ZNF667: variants seen among roughly 807,000 people sequenced by gnomAD.
ZNF667 encodes the protein zinc finger protein 667.
In ZNF667, 13 loss-of-function variants were observed where a neutral mutation model predicts 31.8. The observed-to-expected ratio is 0.41, with a 90% CI of 0.27 to 0.65. ZNF667 has a LOEUF of 0.65. Among genes scored for constraint, ZNF667 ranks in the 30% least tolerant of loss-of-function variants. The pLI, the probability that ZNF667 is intolerant of heterozygous loss-of-function variation, is 0.32. For synonymous variants in ZNF667, 228 were observed against 247.1 expected (o/e 0.92, Z 0.73); for missense variants, 642 against 725.6 (o/e 0.88, Z 1.32).
Position 56,441,953 on chromosome 19 carries a change from G to A in ZNF667, c.1042C>T (p.His348Tyr). The change falls in exon 7 of 7, where the codon CAC (histidine) becomes TAC (tyrosine). Residue 348 changes from histidine to tyrosine, a missense_variant. Coordinates refer to ENST00000504904, the MANE Select transcript of ZNF667 (RefSeq NM_001321356.2). The surrounding 1 kb of genome is among the most constrained non-coding windows in gnomAD (Gnocchi z 4.2). Reference protein sequence around the residue: ...LFNRISPLMLHQRIHTSEKPY... With the variant: ...LFNRISPLMLYQRIHTSEKPY... The stretch of plus-strand genomic sequence containing the variant: ...TTCTCTGAAGTGTGAATTCTCTGGT[G>A]AAGCATCAGGGGTGAAATCCTATTA... 1 of 1,614,088 alleles carries A rather than the reference G, an allele frequency of 6.2e-7. No individual in the cohort carries two copies.
chr19:56,458,327 A>G, intron 5 of ZNF667, 80 bp from the exon 6 acceptor site: 2 of 1,241,788 alleles, frequency 1.6e-6, no homozygotes, highest in Non-Finnish European at 2.4e-6. Flanking sequence ...ATCAACAGGA[A>G]TGCAGGTTTA....
intron 3 of ZNF667, among the ~76,000 whole-genome samples, chr19:56,470,761 A>G (rs1483748006): frequency 6.6e-6 from 1 of 152,206 alleles, no homozygotes; most frequent in African/African-American, 2.4e-5. Flanking sequence ...CGAACTGAGC[A>G]GACTGGCCTT....
Position 56,458,260 on chromosome 19 carries a change from C to A in ZNF667, c.161-13G>T, listed in dbSNP as rs1254360358. 2.5e-6 allele frequency: 4 copies of A among 1,611,906 alleles called. No individual in the cohort carries two copies. Among genetic ancestry groups the A allele is most frequent in the African/African-American group, 2.7e-5 (2 of 74,848 alleles). On this transcript the variant is annotated splice_polypyrimidine_tract_variant and intron_variant, in intron 5 of 6. Transcript: ENST00000504904. ...CGAAAGGAAAGACCTGTACGTGGGA[C>A]AAACATGGGAAATGATCATAAATGT...
rs556147408 is a variant in ZNF667, at chr19:56,473,729, G to A, written c.-549+283C>T. Among the ~76,000 whole-genome samples, 10 of 152,186 alleles carry A rather than the reference G, an allele frequency of 6.6e-5. No homozygotes were observed. In the South Asian group the frequency reaches 1.7e-3, roughly 25 times the overall value. On this transcript the variant is annotated intron_variant, in intron 2 of 6. Transcript: ENST00000504904. ...GGATCTGGTTCAAAACATCAACTGCGCCAAGGCTGAAAAACCTCCAAGATA... is the reference window on the plus strand; with the variant it reads ...GGATCTGGTTCAAAACATCAACTGCACCAAGGCTGAAAAACCTCCAAGATA...
chr19:56,462,134 G>C (rs1023246911), intron 4 of ZNF667, among the ~76,000 whole-genome samples: 1 of 152,178 alleles, frequency 6.6e-6, no homozygotes, highest in African/African-American at 2.4e-5. Flanking sequence ...GTGCACACTG[G>C]GAATGGAGAG....
intron 6 of ZNF667, among the ~76,000 whole-genome samples, chr19:56,453,705 G>A (rs1242234373): frequency 6.6e-6 from 1 of 152,112 alleles, no homozygotes; most frequent in African/African-American, 2.4e-5. Context: ...AGCCGTATAT[G>A]ACAGACCCAT....
At chr19:56,476,333 G>A (rs1345681896) in intron 1 of ZNF667, among the ~76,000 whole-genome samples, 1 of 152,158 alleles carries the variant, frequency 6.6e-6, no homozygotes, top group African/African-American at 2.4e-5. Flanking sequence ...GGTGGTTGGC[G>A]GGGGCAGCGC....
chr19:56,460,386 G>A (rs775475012), intron 5 of ZNF667, among the ~76,000 whole-genome samples: 1 of 152,208 alleles, frequency 6.6e-6, no homozygotes, highest in Non-Finnish European at 1.5e-5. Context: ...AGTAGTTGCT[G>A]AACCTGGGGG....
intron 2 of ZNF667, chr19:56,472,693 A>C (rs953415238): frequency 2.0e-5 from 3 of 152,234 alleles, no homozygotes; most frequent in Non-Finnish European, 2.9e-5. Context: ...GCTTATTGTA[A>C]GAATAGAGTA....
At chr19:56,456,650 A>T (rs1214450724) in intron 6 of ZNF667, among the ~76,000 whole-genome samples, 2 of 152,196 alleles carry the variant, frequency 1.3e-5, no homozygotes, top group African/African-American at 4.8e-5. Context: ...GCTGATGTTA[A>T]TAATAATAAA....
chr19:56,463,035 T>C (rs2043081999), intron 3 of ZNF667, among the ~76,000 whole-genome samples: 1 of 151,254 alleles, frequency 6.6e-6, no homozygotes, highest in Admixed American at 6.6e-5. Context: ...GCAGGCTAGG[T>C]GTGAGGAGAG....
chr19:56,459,486 A>G lies in ZNF667; in HGVS notation c.160+1203T>C, dbSNP rs1600433505. 2.6e-5 allele frequency among the ~76,000 whole-genome samples: 4 copies of G among 152,296 alleles called. No individual in the cohort carries two copies. The South Asian group carries it at 8.3e-4, about 32-fold the overall frequency. ...CAGTTTCATCTGGCTCCTCAGAAGT[A>G]TAAACAAACCAGGCAGCACACTGCC... On this transcript the variant is annotated intron_variant, in intron 5 of 6. Coordinates refer to ENST00000504904, the MANE Select transcript of ZNF667 (RefSeq NM_001321356.2).
intron 6 of ZNF667, among the ~76,000 whole-genome samples, chr19:56,448,357 C>A (rs902182000): frequency 1.3e-5 from 2 of 152,132 alleles, no homozygotes; most frequent in Admixed American, 6.6e-5. Context: ...ACCCCCACCA[C>A]AGACTAAAAC....
chr19:56,460,148 A>G (rs2043014794), intron 5 of ZNF667, among the ~76,000 whole-genome samples: 1 of 152,230 alleles, frequency 6.6e-6, no homozygotes, highest in South Asian at 2.1e-4. Flanking sequence ...CAAAATAACA[A>G]GAGTGAAAAC....
intron 6 of ZNF667, among the ~76,000 whole-genome samples, chr19:56,444,484 C>T (rs577927137): frequency 2.6e-3 from 393 of 151,920 alleles, no homozygotes; most frequent in Non-Finnish European, 4.9e-3. Context: ...ACAGACCCCA[C>T]CTCCAACACT....
intron 6 of ZNF667, among the ~76,000 whole-genome samples, chr19:56,446,911 C>T (rs746219797): frequency 6.6e-6 from 1 of 152,058 alleles, no homozygotes; most frequent in Non-Finnish European, 1.5e-5. Context: ...TTGTACCTTC[C>T]TTTGTTCCTT....
intron 5 of ZNF667, among the ~76,000 whole-genome samples, chr19:56,459,851 G>A (rs1029103098): frequency 4.6e-5 from 7 of 152,156 alleles, no homozygotes; most frequent in Non-Finnish European, 7.3e-5. Flanking sequence ...AATCAGCTGG[G>A]TGTGATGGAG....
At chr19:56,471,382 T>C (rs1209833079) in intron 3 of ZNF667, among the ~76,000 whole-genome samples, 1 of 152,184 alleles carries the variant, frequency 6.6e-6, no homozygotes, top group Non-Finnish European at 1.5e-5. Context: ...CACAGCAGGT[T>C]GTAAGCTATT....
chr19:56,441,508 T>C lies in ZNF667; in HGVS notation c.1487A>G (p.Asp496Gly), dbSNP rs941963468. 48 of 1,614,118 alleles carry C rather than the reference T, an allele frequency of 3.0e-5. No homozygotes were observed. The highest frequency in any genetic ancestry group is 3.9e-5 in the Non-Finnish European group (46 of 1,180,040). ...ACACTGATCACATTCATAGGGTCTA[T>C]CTTCAGTATGAATTCTCTTATGTCG... The part of the protein sequence containing the change: ...LTRHKRIHTE[D>G]RPYECDQCGK... The change falls in exon 7 of 7, where the codon GAT (aspartate) becomes GGT (glycine). Residue 496 changes from aspartate (D) to glycine (G), a missense_variant. Asp to Gly is a moderately conservative substitution (Grantham distance 94, BLOSUM62 -1). Transcript: ENST00000504904. The surrounding 1 kb of genome is among the most constrained non-coding windows in gnomAD (Gnocchi z 4.2).
Sources: allele counts gnomAD v4.1 joint callset (sites outside exome capture counted in the v4.1 genomes callset), GRCh38; gene constraint gnomAD v4.1.1; non-coding constraint Gnocchi (gnomAD v3.1); transcripts MANE v1.5; gene names NCBI Gene and HGNC (gene_info 2026-07-23, HGNC 2026-07-21).